GRXCR2: variants seen among roughly 807,000 people sequenced by gnomAD.
The protein encoded by GRXCR2 is glutaredoxin and cysteine rich domain containing 2.
A neutral mutation model predicts 24.8 loss-of-function variants in GRXCR2; 23 were observed. The observed-to-expected ratio is 0.93, with a 90% confidence interval of 0.67 to 1.32. The LOEUF is 1.32. GRXCR2 is among the 40% of genes most tolerant of loss of function. The probability of loss-of-function intolerance (pLI) is 0.00; values close to 1 mark genes in which losing one functional copy is unlikely to be tolerated. For missense variants in GRXCR2, 315 were observed against 303.4 expected, an observed-to-expected ratio of 1.04 and a Z score of -0.28; for synonymous variants, 130 against 116.1, an observed-to-expected ratio of 1.12 and a Z score of -0.77.
chr5:145,910,654 C>T (rs1757152448), intron 2 of GRXCR2, among the ~76,000 whole-genome samples: 1 of 152,056 alleles, frequency 6.6e-6, no homozygotes, highest in South Asian at 2.1e-4. Context: ...AGCTGTACCT[C>T]CTATCTGCAC....
chr5:145,901,958 G>A (rs1234509195), intron 2 of GRXCR2, among the ~76,000 whole-genome samples: 2 of 152,138 alleles, frequency 1.3e-5, no homozygotes, highest in African/African-American at 4.8e-5. Context: ...TATTTTGCAG[G>A]TAGTCAACAA....
intron 2 of GRXCR2, among the ~76,000 whole-genome samples, chr5:145,897,027 C>T (rs550370818): frequency 2.7e-4 from 40 of 150,526 alleles, no homozygotes; most frequent in Middle Eastern, 3.4e-3. Context: ...AGCAAACTAT[C>T]GCAAGGACAA....
chr5:145,907,381 T>C (rs1757105719), intron 2 of GRXCR2, among the ~76,000 whole-genome samples: 1 of 151,916 alleles, frequency 6.6e-6, no homozygotes, highest in Admixed American at 6.6e-5. Context: ...ATACAAAAAT[T>C]AGCCAGGCAT....
chr5:145,880,684 C>A (rs1292153530), intron 2 of GRXCR2, among the ~76,000 whole-genome samples: 1 of 152,106 alleles, frequency 6.6e-6, no homozygotes, highest in Non-Finnish European at 1.5e-5. Flanking sequence ...CTTTATTAGG[C>A]CAGCATCATC....
At chr5:145,868,094 TG>T (rs1432334264) in intron 1 of GRXCR2, among the ~76,000 whole-genome samples, 1 of 152,168 alleles carries the variant, frequency 6.6e-6, no homozygotes, top group Non-Finnish European at 1.5e-5. Context: ...TATCAACTTC[TG>T]GGGGTGGGAG....
intron 2 of GRXCR2, among the ~76,000 whole-genome samples, chr5:145,922,978 G>A (rs985722248): frequency 6.6e-6 from 1 of 152,232 alleles, no homozygotes; most frequent in African/African-American, 2.4e-5. Context: ...ATAAAGCAAT[G>A]TATAAAATAG....
intron 2 of GRXCR2, among the ~76,000 whole-genome samples, chr5:145,895,084 A>G (rs1430990503): frequency 6.6e-6 from 1 of 152,060 alleles, no homozygotes; most frequent in Non-Finnish European, 1.5e-5. Context: ...AAATTCAACA[A>G]CGCTTCATGC....
chr5:145,907,132 G>T (rs1490902511), intron 2 of GRXCR2, among the ~76,000 whole-genome samples: 1 of 152,078 alleles, frequency 6.6e-6, no homozygotes, highest in African/African-American at 2.4e-5. Context: ...AGGGGAAGGT[G>T]GGGATCTTGG....
intron 2 of GRXCR2, among the ~76,000 whole-genome samples, chr5:145,864,458 G>C (rs1035895201): frequency 6.6e-5 from 10 of 152,248 alleles, no homozygotes; most frequent in African/African-American, 2.4e-4. Context: ...GTTTGGCTCT[G>C]TGTCCCTACC....
At chr5:145,861,929 C>G (rs1005377069) in intron 2 of GRXCR2, among the ~76,000 whole-genome samples, 1 of 152,166 alleles carries the variant, frequency 6.6e-6, no homozygotes, top group South Asian at 2.1e-4. Flanking sequence ...AAAGTAATTA[C>G]CCAATTGACA....
intron 2 of GRXCR2, among the ~76,000 whole-genome samples, chr5:145,861,472 A>C (rs1348814864): frequency 6.6e-6 from 1 of 152,000 alleles, no homozygotes; most frequent in Non-Finnish European, 1.5e-5. Context: ...TCAGCTTAGC[A>C]GCTCTTCCTC....
At chr5:145,860,592 T>C (rs1417615976) in intron 2 of GRXCR2, among the ~76,000 whole-genome samples, 2 of 152,192 alleles carry the variant, frequency 1.3e-5, no homozygotes, top group African/African-American at 4.8e-5. Flanking sequence ...AATGAATCGA[T>C]AAATGTTACA....
intron 1 of GRXCR2, among the ~76,000 whole-genome samples, chr5:145,867,633 T>C (rs1323116890): frequency 6.6e-6 from 1 of 152,204 alleles, no homozygotes; most frequent in Non-Finnish European, 1.5e-5. Flanking sequence ...GAAATTACTT[T>C]AAATAGAAGA....
intron 2 of GRXCR2, among the ~76,000 whole-genome samples, chr5:145,893,039 A>G (rs1363726445): frequency 6.6e-6 from 1 of 152,204 alleles, no homozygotes; most frequent in Admixed American, 6.5e-5. Context: ...ACTAAGCTTC[A>G]TAAGTGAAGG....
At chr5:145,915,978 G>A (rs896558587) in intron 2 of GRXCR2, among the ~76,000 whole-genome samples, 3 of 152,164 alleles carry the variant, frequency 2.0e-5, no homozygotes, top group Admixed American at 6.5e-5. Flanking sequence ...GGGTACCCAT[G>A]CACACCCAGC....
At chr5:145,910,235 C>G (rs2149925265) in intron 2 of GRXCR2, among the ~76,000 whole-genome samples, 1 of 152,276 alleles carries the variant, frequency 6.6e-6, no homozygotes, top group East Asian at 1.9e-4. Context: ...TTCTAAGACA[C>G]TTTAACTTCT....
At chr5:145,861,851 A>G (rs537455101) in intron 2 of GRXCR2, among the ~76,000 whole-genome samples, 35 of 152,328 alleles carry the variant, frequency 2.3e-4, no homozygotes, top group Non-Finnish European at 4.7e-4. Context: ...CGTTTTGAAA[A>G]TAGCTCCATC....
intron 2 of GRXCR2, among the ~76,000 whole-genome samples, chr5:145,894,984 C>T (rs2451660): frequency 0.025 from 3,771 of 152,090 alleles, 154 homozygotes; most frequent in African/African-American, 0.086. Flanking sequence ...GTTCAACATA[C>T]GCAAATCAAT....
chr5:145,929,322 C>A (rs1312006603), intron 2 of GRXCR2, among the ~76,000 whole-genome samples: 3 of 150,940 alleles, frequency 2.0e-5, no homozygotes, highest in African/African-American at 7.3e-5. Flanking sequence ...GGATACATAT[C>A]TGTTATGTTA....
Sources: allele counts gnomAD v4.1 joint callset (sites outside exome capture counted in the v4.1 genomes callset), GRCh38; gene constraint gnomAD v4.1.1; transcripts MANE v1.5; gene names NCBI Gene and HGNC (gene_info 2026-07-23, HGNC 2026-07-21).